Variants in CHRDL1 observed in about 807,000 individuals in gnomAD.
CHRDL1 encodes chordin like 1, also known as chordin-like protein 1.
A neutral mutation model predicts 40.9 loss-of-function variants in CHRDL1; 19 were observed. The ratio of observed to expected loss-of-function variants is 0.46; its 90% confidence interval spans 0.32 to 0.68. The LOEUF is 0.68. Ranked by LOEUF, CHRDL1 falls within the 30% of genes least tolerant of loss-of-function variation. The probability of loss-of-function intolerance (pLI) is 0.03; values close to 1 mark genes in which losing one functional copy is unlikely to be tolerated. For missense variants in CHRDL1, 329 were observed against 352.1 expected (o/e 0.93, Z 0.53); for synonymous variants, 136 against 123.4 (o/e 1.10, Z -0.68).
rs571491615 is a variant in CHRDL1 at position 110,726,387 on chromosome X, T to C, written c.302-4857A>G. On this transcript the variant is annotated intron_variant, in intron 4 of 11. Transcript: ENST00000372042. ...GAGCTTGTTCGCCCCTTCTACTATATAGGCTCACAGGGAGAAGGTATCATC... is the reference window on the plus strand; with the variant it reads ...GAGCTTGTTCGCCCCTTCTACTATACAGGCTCACAGGGAGAAGGTATCATC... Among the ~76,000 whole-genome samples, 4 of 111,815 alleles carry C rather than the reference T, an allele frequency of 3.6e-5. No homozygotes were observed. In the South Asian group the frequency reaches 1.5e-3, roughly 43 times the overall value.
intron 6 of CHRDL1, among the ~76,000 whole-genome samples, chrX:110,707,869 G>A (rs1476722416): frequency 9.0e-6 from 1 of 111,685 alleles, no homozygotes. Flanking sequence ...CCTACAGAAT[G>A]GGAGAAAATT....
At chrX:110,792,413 G>A (rs2090117205) in intron 1 of CHRDL1, among the ~76,000 whole-genome samples, 198 bp from the exon 2 acceptor site, 1 of 112,266 alleles carries the variant, frequency 8.9e-6, no homozygotes, top group South Asian at 3.7e-4. Flanking sequence ...AAATTCAAGT[G>A]AATGAGGGTG....
intron 6 of CHRDL1, among the ~76,000 whole-genome samples, chrX:110,709,807 C>T (rs1239838640): frequency 1.8e-5 from 2 of 110,870 alleles, no homozygotes; most frequent in African/African-American, 6.6e-5. Flanking sequence ...GAGTTTGAGA[C>T]CAGCCTAGAC....
chrX:110,794,638 G>A (rs2090154814), intron 1 of CHRDL1, among the ~76,000 whole-genome samples: 1 of 112,650 alleles, frequency 8.9e-6, no homozygotes, highest in Non-Finnish European at 1.9e-5. Flanking sequence ...TTGCCCAGCT[G>A]TGACTGCAAG....
intron 9 of CHRDL1, 34 bp from the exon 10 acceptor site, chrX:110,681,683 G>A: frequency 9.1e-7 from 1 of 1,094,293 alleles, no homozygotes; most frequent in Non-Finnish European, 1.3e-6. Context: ...TTTTGTCATG[G>A]TTTTCTAAAG....
chrX:110,729,177 C>T (rs1274593248), intron 4 of CHRDL1, among the ~76,000 whole-genome samples: 1 of 111,652 alleles, frequency 9.0e-6, no homozygotes, highest in East Asian at 2.8e-4. Context: ...CCTCCCCCCA[C>T]CTCCAAAAAG....
At chrX:110,766,655 C>T (rs1200824330) in intron 2 of CHRDL1, among the ~76,000 whole-genome samples, 3 of 109,777 alleles carry the variant, frequency 2.7e-5, no homozygotes, top group Non-Finnish European at 5.7e-5. Flanking sequence ...ATTAGATACC[C>T]TGAACAAACC....
intron 2 of CHRDL1, among the ~76,000 whole-genome samples, chrX:110,763,162 G>A (rs2089595393): frequency 9.0e-6 from 1 of 110,759 alleles, no homozygotes; most frequent in African/African-American, 3.3e-5. Context: ...TGGGGTACAG[G>A]TGGTATTTGG....
In CHRDL1 at chrX:110,794,263, G is replaced by C. The variant is rs529971068; in HGVS notation, c.-35+1481C>G. Among the ~76,000 whole-genome samples the C allele has an allele frequency of 6.9e-4, 77 of 112,017 alleles. 2 individuals are homozygous for C. The South Asian group carries it at 0.027, about 39-fold the overall frequency. On this transcript the variant is annotated intron_variant, in intron 1 of 11. Transcript: ENST00000372042. ...TCTTATTCTTGCAAAGAGCCAAACT[G>C]TCCTTAATTTTTCAAATTATACTTT...
At chrX:110,728,358 C>A (rs1057261065) in intron 4 of CHRDL1, among the ~76,000 whole-genome samples, 10 of 110,653 alleles carry the variant, frequency 9.0e-5, no homozygotes, top group Non-Finnish European at 1.5e-4. Context: ...AAATGTATTC[C>A]TCATTAAATT....
chrX:110,711,433 A>C (rs1409557498), intron 6 of CHRDL1, among the ~76,000 whole-genome samples: 1 of 111,739 alleles, frequency 8.9e-6, no homozygotes, highest in Non-Finnish European at 1.9e-5. Context: ...TGGAGGGGGA[A>C]GTGGGGAGCT....
At chrX:110,715,549 T>G (rs1246401935) in intron 6 of CHRDL1, among the ~76,000 whole-genome samples, 1 of 111,805 alleles carries the variant, frequency 8.9e-6, no homozygotes, top group Non-Finnish European at 1.9e-5. Context: ...TTTGAGTGGT[T>G]AAATAGTTTG....
chrX:110,710,077 G>C (rs976101336), intron 6 of CHRDL1, among the ~76,000 whole-genome samples: 7 of 112,055 alleles, frequency 6.2e-5, no homozygotes, highest in African/African-American at 2.3e-4. Flanking sequence ...AAGCAGGACA[G>C]AGAGGAGAAA....
intron 6 of CHRDL1, among the ~76,000 whole-genome samples, chrX:110,718,575 C>T (rs1210259717): frequency 8.9e-6 from 1 of 112,068 alleles, no homozygotes; most frequent in Non-Finnish European, 1.9e-5. Context: ...GCTTTAAGCT[C>T]TTCCCTGCCT....
intron 7 of CHRDL1, among the ~76,000 whole-genome samples, chrX:110,696,337 A>G (rs775931715): frequency 1.8e-5 from 2 of 111,317 alleles, no homozygotes; most frequent in South Asian, 7.6e-4. Context: ...AAAATCCTCA[A>G]GAATTTTGAT....
At chrX:110,758,364 G>C (rs2089496430) in intron 4 of CHRDL1, among the ~76,000 whole-genome samples, 1 of 110,845 alleles carries the variant, frequency 9.0e-6, no homozygotes, top group African/African-American at 3.3e-5. Context: ...ACATCTCAAA[G>C]CATATACTAT....
At chrX:110,753,313 C>T (rs181747571) in intron 4 of CHRDL1, among the ~76,000 whole-genome samples, 129 of 112,014 alleles carry the variant, frequency 1.2e-3, no homozygotes, top group African/African-American at 3.7e-3. Context: ...CAAAAGGCCA[C>T]AAATTGTATG....
intron 2 of CHRDL1, among the ~76,000 whole-genome samples, chrX:110,788,443 G>T (rs1047052213): frequency 3.6e-5 from 4 of 111,553 alleles, no homozygotes; most frequent in African/African-American, 1.3e-4. Flanking sequence ...GAGCAAACAG[G>T]CTACAAAACA....
chrX:110,773,046 A>G (rs2089785011), intron 2 of CHRDL1, among the ~76,000 whole-genome samples: 1 of 112,643 alleles, frequency 8.9e-6, no homozygotes, highest in Non-Finnish European at 1.9e-5. Context: ...CTATTTTGCT[A>G]CCAAATACTA....
Sources: gnomAD v4.1 joint callset for allele counts (sites outside exome capture counted in the v4.1 genomes callset) on GRCh38, gnomAD v4.1.1 for gene constraint, MANE v1.5 for transcripts, NCBI Gene and HGNC (gene_info 2026-07-23, HGNC 2026-07-21) for gene names.